Variants in MAP2K5 observed in about 807,000 individuals in gnomAD.
MAP2K5 encodes mitogen-activated protein kinase kinase 5.
A neutral mutation model predicts 83.1 loss-of-function variants in MAP2K5; 49 were observed. That is an observed-to-expected ratio of 0.59 (90% CI 0.47 to 0.75). The LOEUF (loss-of-function observed/expected upper bound fraction) is 0.75. MAP2K5 is among the 30% of genes least tolerant of loss of function. The pLI is 0.00. For missense variants in MAP2K5, 457 were observed against 557.5 expected, an observed-to-expected ratio of 0.82 and a Z score of 1.82; for synonymous variants, 202 against 191.8, an observed-to-expected ratio of 1.05 and a Z score of -0.44.
At position 67,778,564 on chromosome 15, in the gene MAP2K5, T is replaced by C. The variant is rs988787559; in HGVS notation, c.1242+5812T>C. Among the ~76,000 whole-genome samples the C allele has an allele frequency of 1.3e-5, 2 of 152,172 alleles. No individual in the cohort carries two copies. Among genetic ancestry groups the C allele is most frequent in the Non-Finnish European group, 2.9e-5 (2 of 68,034 alleles). ...GAAAAGGGAGGGTTCTGAGGTCTTATGAAGGCAGGTAAACAAGGGGGTCAC... is the reference window on the plus strand; with the variant it reads ...GAAAAGGGAGGGTTCTGAGGTCTTACGAAGGCAGGTAAACAAGGGGGTCAC... On this transcript the variant is annotated intron_variant, in intron 21 of 21. Transcript: ENST00000178640. The surrounding 1 kb of genome is among the most constrained non-coding windows in gnomAD (Gnocchi z 5.0).
intron 17 of MAP2K5, among the ~76,000 whole-genome samples, chr15:67,732,308 T>C (rs1217437634): frequency 6.6e-6 from 1 of 152,162 alleles, no homozygotes; most frequent in African/African-American, 2.4e-5. Flanking sequence ...CTAAAAATTG[T>C]CATCCTTCAT....
At chr15:67,675,517 G>T (rs1252850299) in intron 13 of MAP2K5, among the ~76,000 whole-genome samples, 1 of 152,142 alleles carries the variant, frequency 6.6e-6, no homozygotes, top group Non-Finnish European at 1.5e-5. Flanking sequence ...TCTCCATCTT[G>T]ACTATCAGTG....
chr15:67,740,299 T>C (rs745346937), intron 17 of MAP2K5, among the ~76,000 whole-genome samples: 14 of 152,218 alleles, frequency 9.2e-5, no homozygotes, highest in Non-Finnish European at 1.8e-4. Flanking sequence ...TTTACATGTT[T>C]GCAATCAGAG....
intron 13 of MAP2K5, among the ~76,000 whole-genome samples, chr15:67,687,420 C>T (rs2087984844): frequency 6.6e-6 from 1 of 152,166 alleles, no homozygotes; most frequent in African/African-American, 2.4e-5. Flanking sequence ...TTAGAATATA[C>T]ATAAACAACA....
intron 9 of MAP2K5, among the ~76,000 whole-genome samples, chr15:67,634,397 A>T (rs1278211302): frequency 8.9e-5 from 12 of 134,204 alleles, no homozygotes; most frequent in Non-Finnish European, 1.6e-4. Flanking sequence ...AAAAAAAAAA[A>T]AAAAAAAAAA....
intron 16 of MAP2K5, among the ~76,000 whole-genome samples, chr15:67,726,292 ATTG>A (rs889414649): frequency 6.6e-6 from 1 of 152,206 alleles, no homozygotes; most frequent in Non-Finnish European, 1.5e-5. Flanking sequence ...TTACATGGCT[ATTG>A]TTCATATTGG....
At position 67,543,615 on chromosome 15, in the gene MAP2K5, C is replaced by A; in HGVS notation, c.135+145C>A. 1.1e-6 allele frequency: 1 copy of A among 885,220 alleles called. No homozygotes were observed. Among genetic ancestry groups the A allele is most frequent in the Non-Finnish European group, 1.7e-6 (1 of 578,518 alleles). The allele number at this position is 885,220 out of a possible 1,614,324, so 54.8% of individuals were successfully genotyped here. On this transcript the variant is annotated intron_variant, in intron 1 of 21. Transcript: ENST00000178640. The surrounding 1 kb of genome is among the most constrained non-coding windows in gnomAD (Gnocchi z 4.3). Reference sequence around the variant, plus strand: ...GGCAGTTTTATTGCTTCAGGCACAGCATTGATAAATTGCAACCACTAAAAC... The same window carrying A: ...GGCAGTTTTATTGCTTCAGGCACAGAATTGATAAATTGCAACCACTAAAAC...
At chr15:67,613,757 G>A (rs2085987887) in intron 8 of MAP2K5, among the ~76,000 whole-genome samples, 1 of 151,806 alleles carries the variant, frequency 6.6e-6, no homozygotes, top group South Asian at 2.1e-4. Flanking sequence ...ATTTTATCTA[G>A]TGTGGACAAT....
In MAP2K5 at chr15:67,702,856, T is replaced by G. The variant is rs1246907566; in HGVS notation, c.973-481T>G. ...TCATTTTTTCAAATTTCCTATAAGTTTGAAATTATTTTCAAATAAAAAATT... is the reference window on the plus strand; with the variant it reads ...TCATTTTTTCAAATTTCCTATAAGTGTGAAATTATTTTCAAATAAAAAATT... On this transcript the variant is annotated intron_variant, in intron 15 of 21. Coordinates refer to ENST00000178640, the MANE Select transcript of MAP2K5 (RefSeq NM_145160.3). The surrounding 1 kb of genome is among the most constrained non-coding windows in gnomAD (Gnocchi z 4.6). Among the ~76,000 whole-genome samples the G allele has an allele frequency of 2.0e-5, 3 of 152,210 alleles. No homozygotes were observed. The highest frequency in any genetic ancestry group is 4.4e-5 in the Non-Finnish European group (3 of 68,036).
At chr15:67,672,002 G>T (rs367853724) in intron 13 of MAP2K5, among the ~76,000 whole-genome samples, 1 of 151,818 alleles carries the variant, frequency 6.6e-6, no homozygotes, top group African/African-American at 2.4e-5. Flanking sequence ...TCATCATTTT[G>T]TATGGCTGCA....
intron 8 of MAP2K5, among the ~76,000 whole-genome samples, chr15:67,615,945 T>C (rs926941043): frequency 2.0e-5 from 3 of 152,204 alleles, no homozygotes; most frequent in Non-Finnish European, 2.9e-5. Flanking sequence ...GAAAATGTAA[T>C]ACAATCAACT....
chr15:67,624,535 T>G (rs1278056634), intron 8 of MAP2K5, among the ~76,000 whole-genome samples: 1 of 151,964 alleles, frequency 6.6e-6, no homozygotes, highest in Admixed American at 6.6e-5. Context: ...AGTTTTGAAT[T>G]ATATGTTTCC....
At chr15:67,564,810 T>C (rs1316246788) in intron 3 of MAP2K5, among the ~76,000 whole-genome samples, 1 of 152,240 alleles carries the variant, frequency 6.6e-6, no homozygotes, top group South Asian at 2.1e-4. Flanking sequence ...TTCTCACATA[T>C]GTCCATTGCA....
chr15:67,792,021 G>C (rs11634494), intron 21 of MAP2K5, among the ~76,000 whole-genome samples: 20,953 of 152,206 alleles, frequency 0.14, 1,494 homozygotes, highest in East Asian at 0.16. Flanking sequence ...ACCAGGCAGA[G>C]GAGGGGCAGG....
Position 67,782,207 on chromosome 15 carries a change from A to G in MAP2K5, c.1242+9455A>G, listed in dbSNP as rs1011021485. Reference sequence around the variant, plus strand: ...AGTGTCTCCCGCCTCTGCGGTTTCAATAATTTTAAGAGCCCCCAAAACCTG... The same window carrying G: ...AGTGTCTCCCGCCTCTGCGGTTTCAGTAATTTTAAGAGCCCCCAAAACCTG... On this transcript the variant is annotated intron_variant, in intron 21 of 21. Transcript: ENST00000178640. The surrounding 1 kb of genome is among the most constrained non-coding windows in gnomAD (Gnocchi z 4.9). Among the ~76,000 whole-genome samples, 1 of 152,242 alleles carries G rather than the reference A, an allele frequency of 6.6e-6. No individual in the cohort carries two copies. The highest frequency in any genetic ancestry group is 1.5e-5 in the Non-Finnish European group (1 of 68,034).
chr15:67,549,125 G>A, intron 1 of MAP2K5: 1 of 1,535,476 alleles, frequency 6.5e-7, no homozygotes, highest in Non-Finnish European at 8.7e-7. Flanking sequence ...GAGGGACACT[G>A]TGGCAGAGCT....
At chr15:67,592,308 C>G (rs2085432890) in intron 6 of MAP2K5, among the ~76,000 whole-genome samples, 1 of 152,036 alleles carries the variant, frequency 6.6e-6, no homozygotes, top group Non-Finnish European at 1.5e-5. Context: ...GGACAAGACA[C>G]AGTGCTAGAT....
chr15:67,607,068 G>A (rs1424098795), intron 8 of MAP2K5, among the ~76,000 whole-genome samples: 4 of 152,178 alleles, frequency 2.6e-5, no homozygotes, highest in African/African-American at 7.2e-5. Context: ...TGTAAATTAA[G>A]AGTAGTTTTT....
In MAP2K5 at chr15:67,636,334, G is replaced by T. The variant is rs1289308394; in HGVS notation, c.585+5407G>T. Among the ~76,000 whole-genome samples the T allele has an allele frequency of 6.6e-6, 1 of 151,954 alleles. No individual in the cohort carries two copies. The highest frequency in any genetic ancestry group is 1.5e-5 in the Non-Finnish European group (1 of 67,984). Reference sequence around the variant, plus strand: ...GAAGCAGGAGAATGGCGTGAACCTGGGAAGTGGAGCTTGCAGTGAGCCAAG... The same window carrying T: ...GAAGCAGGAGAATGGCGTGAACCTGTGAAGTGGAGCTTGCAGTGAGCCAAG... On this transcript the variant is annotated intron_variant, in intron 9 of 21. Transcript: ENST00000178640. The surrounding 1 kb of genome is among the most constrained non-coding windows in gnomAD (Gnocchi z 4.7).
Sources: allele counts gnomAD v4.1 joint callset (sites outside exome capture counted in the v4.1 genomes callset), GRCh38; gene constraint gnomAD v4.1.1; non-coding constraint Gnocchi (gnomAD v3.1); transcripts MANE v1.5; gene names NCBI Gene and HGNC (gene_info 2026-07-23, HGNC 2026-07-21).